Variants in SLC36A1 observed in about 807,000 individuals in gnomAD.
SLC36A1 encodes solute carrier family 36 member 1.
SLC36A1 carries 30 observed loss-of-function variants against 47.5 expected under a neutral mutation model. That is an observed-to-expected ratio of 0.63 (90% CI 0.47 to 0.86). The LOEUF is 0.86. SLC36A1 is among the 40% of genes least tolerant of loss of function. The pLI, the probability that SLC36A1 is intolerant of heterozygous loss-of-function variation, is 0.00. For synonymous variants in SLC36A1, 255 were observed against 249.7 expected, an observed-to-expected ratio of 1.02 and a Z score of -0.20; for missense variants, 517 against 606.0, an observed-to-expected ratio of 0.85 and a Z score of 1.54.
At chr5:151,388,626 A>G in the SLC36A1 span, among the ~76,000 whole-genome samples, 8 of 151,974 alleles carry the variant, frequency 5.3e-5, no homozygotes, top group Non-Finnish European at 1.2e-4. Context: ...GGGTTGTGTC[A>G]TGGGCCACCG....
At chr5:151,502,525 C>CA in the SLC36A1 span, among the ~76,000 whole-genome samples, 719 of 145,582 alleles carry the variant, frequency 4.9e-3, 70 homozygotes, top group African/African-American at 0.011. Flanking sequence ...CTATAGATGT[C>CA]AAAAAAAAAG....
At chr5:151,361,377 C>T in the SLC36A1 span, among the ~76,000 whole-genome samples, 649 of 152,312 alleles carry the variant, frequency 4.3e-3, 3 homozygotes, top group South Asian at 0.034. Flanking sequence ...CAACTCGAAA[C>T]ATCTTATATT....
At chr5:151,472,826 T>C (rs1310603941) in intron 7 of SLC36A1, among the ~76,000 whole-genome samples, 1 of 152,266 alleles carries the variant, frequency 6.6e-6, no homozygotes, top group African/African-American at 2.4e-5. Context: ...TAATATTTCG[T>C]AAGTAGTTTT....
the SLC36A1 span, among the ~76,000 whole-genome samples, chr5:151,387,873 GAGCATA>G: frequency 4.5e-3 from 686 of 152,310 alleles, 7 homozygotes; most frequent in African/African-American, 0.016. Flanking sequence ...ATGCCCTACA[GAGCATA>G]AAGTCTCACT....
chr5:151,526,233 T>C, the SLC36A1 span, among the ~76,000 whole-genome samples: 16 of 152,138 alleles, frequency 1.1e-4, no homozygotes, highest in African/African-American at 3.9e-4. Flanking sequence ...AGAACAAAGG[T>C]TAAACCCTTT....
the SLC36A1 span, among the ~76,000 whole-genome samples, chr5:151,538,622 T>A: frequency 6.6e-6 from 1 of 152,188 alleles, no homozygotes; most frequent in African/African-American, 2.4e-5. Context: ...TCCACCACTG[T>A]TGAGTGTGGG....
At chr5:151,388,074 C>T in the SLC36A1 span, among the ~76,000 whole-genome samples, 45,153 of 151,976 alleles carry the variant, frequency 0.3, 8,156 homozygotes, top group African/African-American at 0.5. Context: ...GTAGAGAACC[C>T]CCTTCCCTTT....
At chr5:151,365,992 C>T in the SLC36A1 span, among the ~76,000 whole-genome samples, 1 of 152,152 alleles carries the variant, frequency 6.6e-6, no homozygotes, top group Non-Finnish European at 1.5e-5. Context: ...AAAAGGGGTC[C>T]TGTTCATGCC....
Position 151,473,780 on chromosome 5 carries a change from TGCACTGTGATTTGG to T in SLC36A1, c.822+12_822+25del. 6.2e-7 allele frequency: 1 copy of T among 1,603,846 alleles called. No homozygotes were observed. The highest frequency in any genetic ancestry group is 1.3e-5 in the African/African-American group (1 of 74,838). ...TTGAAGGCATTGGAATGGTAAGAGC[TGCACTGTGATTTGG>T]GCTAGTGTTCTCTGGTGCCCTTGGT... On this transcript the variant is annotated intron_variant, in intron 8 of 10. Transcript: ENST00000243389.
chr5:151,507,343 A>C, the SLC36A1 span: 2 of 1,614,028 alleles, frequency 1.2e-6, no homozygotes, highest in African/African-American at 2.7e-5. Context: ...TTGTTGCAGG[A>C]GCTGGCACTC....
At chr5:151,372,489 G>A in the SLC36A1 span, among the ~76,000 whole-genome samples, 3 of 151,708 alleles carry the variant, frequency 2.0e-5, no homozygotes, top group Admixed American at 6.6e-5. Flanking sequence ...TGTTCCCTAG[G>A]CTAGAGTACA....
chr5:151,459,004 T>C, intron 2 of SLC36A1, 69 bp downstream of exon 2: 2 of 1,497,672 alleles, frequency 1.3e-6, no homozygotes, highest in Non-Finnish European at 1.8e-6. Context: ...GGACTTATTT[T>C]TCCCCCCAAT....
chr5:151,395,725 C>G, the SLC36A1 span, among the ~76,000 whole-genome samples: 1 of 152,094 alleles, frequency 6.6e-6, no homozygotes, highest in Admixed American at 6.5e-5. Flanking sequence ...GGTAGATGGG[C>G]TGTGATAAGG....
At chr5:151,442,101 G>C (rs1013712839) in intron 1 of SLC36A1, among the ~76,000 whole-genome samples, 1 of 150,162 alleles carries the variant, frequency 6.7e-6, no homozygotes, top group Admixed American at 6.6e-5. Flanking sequence ...CATCCATTTT[G>C]TAGCTGTATT....
the SLC36A1 span, among the ~76,000 whole-genome samples, chr5:151,530,933 A>G: frequency 6.6e-6 from 1 of 152,250 alleles, no homozygotes; most frequent in East Asian, 1.9e-4. Flanking sequence ...AATATTGCTC[A>G]ATGATAAGGC....
chr5:151,463,975 G>T (rs1355294697), intron 3 of SLC36A1, among the ~76,000 whole-genome samples: 3 of 152,186 alleles, frequency 2.0e-5, no homozygotes, highest in Non-Finnish European at 4.4e-5. Context: ...ACAGATGTCT[G>T]CCCATTTTCT....
chr5:151,466,392 A>C (rs145531399), intron 5 of SLC36A1, among the ~76,000 whole-genome samples: 349 of 152,352 alleles, frequency 2.3e-3, no homozygotes, highest in African/African-American at 8.0e-3. Flanking sequence ...GATTGACCAT[A>C]CTATGTATAC....
chr5:151,397,285 G>A, the SLC36A1 span, among the ~76,000 whole-genome samples: 15 of 152,328 alleles, frequency 9.8e-5, no homozygotes, highest in East Asian at 2.7e-3. Context: ...TACACATGGA[G>A]CCCATTCCCA....
At chr5:151,390,879 T>A in the SLC36A1 span, among the ~76,000 whole-genome samples, 1 of 152,266 alleles carries the variant, frequency 6.6e-6, no homozygotes, top group Non-Finnish European at 1.5e-5. Flanking sequence ...AGGATTGTCT[T>A]GGCAATGCAG....
Sources: allele counts gnomAD v4.1 joint callset (sites outside exome capture counted in the v4.1 genomes callset), GRCh38; gene constraint gnomAD v4.1.1; transcripts MANE v1.5; gene names NCBI Gene and HGNC (gene_info 2026-07-23, HGNC 2026-07-21).